Variants in CCSER1 observed in about 807,000 individuals in gnomAD.
CCSER1 encodes the protein serine-rich coiled-coil domain-containing protein 1.
In CCSER1, 41 loss-of-function variants were observed where a neutral mutation model predicts 82.0. The ratio of observed to expected loss-of-function variants is 0.50; its 90% CI spans 0.39 to 0.65. CCSER1 has a LOEUF of 0.65. CCSER1 is among the 30% of genes least tolerant of loss of function. The pLI is 0.00. For missense variants in CCSER1, 1,119 were observed against 1,064.2 expected, an observed-to-expected ratio of 1.05 and a Z score of -0.72; for synonymous variants, 414 against 383.9, an observed-to-expected ratio of 1.08 and a Z score of -0.92.
chr4:91,101,506 G>A lies in CCSER1; in HGVS notation c.2217+15512G>A, dbSNP rs138262008. On this transcript the variant is annotated intron_variant, in intron 10 of 10. Coordinates refer to ENST00000509176, the MANE Select transcript of CCSER1 (RefSeq NM_001145065.2). ...AAAAATTAGCTGGGCATGGTGGCATGTGCCTGTAATCACAGCTACTTGGGA... is the reference window on the plus strand; with the variant it reads ...AAAAATTAGCTGGGCATGGTGGCATATGCCTGTAATCACAGCTACTTGGGA... Among the ~76,000 whole-genome samples the A allele has an allele frequency of 5.4e-3, 824 of 152,206 alleles. 3 individuals are homozygous for A. Among genetic ancestry groups the A allele is most frequent in the African/African-American group, 0.019 (782 of 41,530 alleles).
rs572949835 is a variant in CCSER1, at chr4:90,973,687, C to T, written c.2172+50240C>T. ...ATATCCAAAGGAAAGGAAATAAGTA[C>T]GTCAAAGAGATATCTGCATTTCCAT... On this transcript the variant is annotated intron_variant, in intron 9 of 10. Transcript: ENST00000509176. 4.6e-5 allele frequency among the ~76,000 whole-genome samples: 7 copies of T among 151,598 alleles called. No individual in the cohort carries two copies. In the South Asian group the frequency reaches 6.2e-4, roughly 13 times the overall value.
intron 3 of CCSER1, among the ~76,000 whole-genome samples, chr4:90,366,588 A>G (rs1746324034): frequency 6.6e-6 from 1 of 151,758 alleles, no homozygotes; most frequent in East Asian, 1.9e-4. Context: ...CTCAAAAGGG[A>G]AAAAAAATCC....
intron 7 of CCSER1, among the ~76,000 whole-genome samples, chr4:90,745,586 C>T (rs1232405781): frequency 6.6e-6 from 1 of 151,700 alleles, no homozygotes; most frequent in African/African-American, 2.4e-5. Context: ...ATTTGCAATG[C>T]ACATTACTTT....
intron 6 of CCSER1, among the ~76,000 whole-genome samples, chr4:90,703,686 G>C (rs961854910): frequency 1.3e-5 from 2 of 152,198 alleles, no homozygotes; most frequent in African/African-American, 4.8e-5. Flanking sequence ...ATTTAGGATA[G>C]TTAGCTCTTC....
chr4:91,372,934 T>C (rs373489371), intron 10 of CCSER1, among the ~76,000 whole-genome samples: 3 of 152,190 alleles, frequency 2.0e-5, no homozygotes. Flanking sequence ...ATTAGAGTTC[T>C]AGTATCTTAA....
chr4:91,223,426 A>G (rs1737909196), intron 10 of CCSER1, among the ~76,000 whole-genome samples: 1 of 152,178 alleles, frequency 6.6e-6, no homozygotes, highest in Non-Finnish European at 1.5e-5. Flanking sequence ...TAAAAGGTAC[A>G]TAAGTATAAT....
chr4:91,283,968 G>A (rs1743098086), intron 10 of CCSER1, among the ~76,000 whole-genome samples: 1 of 151,918 alleles, frequency 6.6e-6, no homozygotes, highest in Non-Finnish European at 1.5e-5. Context: ...CCCCAGTGTT[G>A]TATATTACCT....
chr4:90,651,529 G>A (rs1407617947), intron 6 of CCSER1, among the ~76,000 whole-genome samples: 3 of 152,196 alleles, frequency 2.0e-5, no homozygotes, highest in Admixed American at 2.0e-4. Flanking sequence ...TCACACACCG[G>A]GGTCTGTCAG....
At chr4:91,005,873 T>C (rs1581316119) in intron 9 of CCSER1, among the ~76,000 whole-genome samples, 1 of 152,224 alleles carries the variant, frequency 6.6e-6, no homozygotes, top group African/African-American at 2.4e-5. Context: ...TGAAAATCAA[T>C]TGGCTGTAGA....
At chr4:90,494,035 A>T (rs772018582) in intron 5 of CCSER1, among the ~76,000 whole-genome samples, 6 of 152,204 alleles carry the variant, frequency 3.9e-5, no homozygotes, top group Non-Finnish European at 7.3e-5. Flanking sequence ...ATGTGCAGAG[A>T]CACACATAGG....
intron 10 of CCSER1, among the ~76,000 whole-genome samples, chr4:91,293,358 G>A (rs61345726): frequency 0.059 from 9,002 of 151,980 alleles, 337 homozygotes; most frequent in Middle Eastern, 0.096. Flanking sequence ...ACTTAATTGA[G>A]GGTCTTTTGT....
chr4:90,320,262 A>G (rs919842927), intron 3 of CCSER1, among the ~76,000 whole-genome samples: 2 of 152,246 alleles, frequency 1.3e-5, no homozygotes, highest in Non-Finnish European at 2.9e-5. Context: ...ATAATGATAC[A>G]TGTTTATATA....
At chr4:91,050,171 C>CTG (rs1353730557) in intron 9 of CCSER1, among the ~76,000 whole-genome samples, 1 of 152,132 alleles carries the variant, frequency 6.6e-6, no homozygotes, top group African/African-American at 2.4e-5. Context: ...TGGCTCCAGC[C>CTG]TGTAGTCTCA....
intron 10 of CCSER1, among the ~76,000 whole-genome samples, chr4:91,532,763 G>T (rs1284534398): frequency 6.6e-6 from 1 of 151,862 alleles, no homozygotes; most frequent in Non-Finnish European, 1.5e-5. Flanking sequence ...CCAGCTACCC[G>T]AGAGGCTGAG....
intron 9 of CCSER1, among the ~76,000 whole-genome samples, chr4:90,967,935 A>C (rs1734726439): frequency 6.6e-6 from 1 of 152,070 alleles, no homozygotes. Flanking sequence ...CTTTATCAGC[A>C]TCACCCCTTT....
chr4:90,804,035 C>A (rs185433167), intron 7 of CCSER1, among the ~76,000 whole-genome samples: 1 of 152,112 alleles, frequency 6.6e-6, no homozygotes, highest in Non-Finnish European at 1.5e-5. Flanking sequence ...TGTTCATATC[C>A]TTTGCCCACT....
At chr4:90,895,755 A>T (rs1227403233) in intron 8 of CCSER1, among the ~76,000 whole-genome samples, 2 of 151,820 alleles carry the variant, frequency 1.3e-5, no homozygotes, top group Non-Finnish European at 2.9e-5. Context: ...TGTATATATT[A>T]TATATATATT....
intron 10 of CCSER1, among the ~76,000 whole-genome samples, chr4:91,194,063 G>T (rs1223474510): frequency 2.0e-5 from 3 of 152,094 alleles, no homozygotes; most frequent in Non-Finnish European, 4.4e-5. Flanking sequence ...CCTGTCTCCC[G>T]AATCCAAGTG....
At chr4:90,842,790 T>A (rs1762735654) in intron 8 of CCSER1, among the ~76,000 whole-genome samples, 1 of 152,166 alleles carries the variant, frequency 6.6e-6, no homozygotes, top group African/African-American at 2.4e-5. Flanking sequence ...CAAAGAACCC[T>A]CATGGTTAGA....
Sources: allele counts gnomAD v4.1 joint callset (sites outside exome capture counted in the v4.1 genomes callset), GRCh38; gene constraint gnomAD v4.1.1; transcripts MANE v1.5; gene names NCBI Gene and HGNC (gene_info 2026-07-23, HGNC 2026-07-21).